The following CALCRL variants were observed in gnomAD, a reference collection of about 807,000 sequenced individuals.
CALCRL encodes calcitonin gene-related peptide type 1 receptor.
Under a neutral mutation model 60.4 loss-of-function variants are expected in CALCRL, and 27 were observed. The ratio of observed to expected loss-of-function variants is 0.45; its 90% CI spans 0.33 to 0.62. CALCRL has a LOEUF of 0.62. Ranked by LOEUF, CALCRL falls within the 20% of genes least tolerant of loss-of-function variation. CALCRL has a pLI of 0.03. For synonymous variants in CALCRL, 190 were observed against 182.6 expected (o/e 1.04, Z -0.33); for missense variants, 424 against 540.7 (o/e 0.78, Z 2.14).
chr2:187,442,843 A>G (rs1690982297), intron 1 of CALCRL, among the ~76,000 whole-genome samples: 1 of 151,880 alleles, frequency 6.6e-6, no homozygotes, highest in African/African-American at 2.4e-5. Context: ...TTGGTGAATC[A>G]TATCACTATT....
intron 1 of CALCRL, among the ~76,000 whole-genome samples, chr2:187,414,453 A>G (rs1381863803): frequency 6.6e-6 from 1 of 152,194 alleles, no homozygotes; most frequent in East Asian, 1.9e-4. Context: ...AGGCAGCAGC[A>G]TGTCATCCTG....
intron 1 of CALCRL, chr2:187,415,507 T>C (rs1031724296): frequency 1.1e-5 from 4 of 350,780 alleles, no homozygotes; most frequent in Non-Finnish European, 2.1e-5. Context: ...TGAAATGTTA[T>C]ATAAACTTTT....
chr2:187,384,085 C>T (rs999718394), intron 4 of CALCRL, among the ~76,000 whole-genome samples: 2 of 151,842 alleles, frequency 1.3e-5, no homozygotes, highest in African/African-American at 4.8e-5. Context: ...CTTCCTTTGC[C>T]TCCTCATTGT....
chr2:187,375,100 G>A (rs543594686), intron 8 of CALCRL, among the ~76,000 whole-genome samples: 1 of 150,780 alleles, frequency 6.6e-6, no homozygotes, highest in East Asian at 2.0e-4. Flanking sequence ...GTGAAACCCC[G>A]TCTCTACTAA....
At chr2:187,377,970 A>G (rs369945123) in intron 8 of CALCRL, among the ~76,000 whole-genome samples, 1 of 152,082 alleles carries the variant, frequency 6.6e-6, no homozygotes, top group Admixed American at 6.5e-5. Context: ...CTTTGTTTAA[A>G]ATTAGTAGAA....
At chr2:187,440,563 T>C (rs1046087075) in intron 1 of CALCRL, among the ~76,000 whole-genome samples, 1 of 152,164 alleles carries the variant, frequency 6.6e-6, no homozygotes, top group Non-Finnish European at 1.5e-5. Context: ...TTTGAACATA[T>C]GCAGTCTTTT....
At chr2:187,355,429 A>C (rs1686727044) in intron 12 of CALCRL, among the ~76,000 whole-genome samples, 2 of 152,142 alleles carry the variant, frequency 1.3e-5, no homozygotes, top group South Asian at 4.1e-4. Context: ...GGTATATCAA[A>C]AAATGTTATG....
intron 8 of CALCRL, among the ~76,000 whole-genome samples, chr2:187,370,087 GTTTAC>G (rs780778043): frequency 2.2e-4 from 34 of 152,188 alleles, no homozygotes; most frequent in Non-Finnish European, 4.3e-4. Flanking sequence ...ATGAAAAATT[GTTTAC>G]TTTATTCTGT....
At chr2:187,356,365 A>G (rs1686787919) in intron 12 of CALCRL, among the ~76,000 whole-genome samples, 1 of 152,184 alleles carries the variant, frequency 6.6e-6, no homozygotes, top group African/African-American at 2.4e-5. Context: ...TTCTACAACC[A>G]TCTGATCTTT....
intron 1 of CALCRL, among the ~76,000 whole-genome samples, chr2:187,419,023 AT>A (rs33929530): frequency 0.34 from 29,228 of 85,886 alleles, 3,675 homozygotes; most frequent in Middle Eastern, 0.39. Context: ...CGTCTGGCTA[AT>A]TTTTTTTTTT....
intron 1 of CALCRL, among the ~76,000 whole-genome samples, chr2:187,417,264 A>G (rs1036564391): frequency 4.6e-5 from 7 of 152,098 alleles, no homozygotes; most frequent in Non-Finnish European, 8.8e-5. Context: ...TGACAAAAAA[A>G]CAAAAAACAA....
chr2:187,363,459 A>C lies in CALCRL; in HGVS notation c.544T>G (p.Phe182Val). The C allele has an allele frequency of 6.2e-7, 1 of 1,608,988 alleles. No individual in the cohort carries two copies. The highest frequency in any genetic ancestry group is 8.5e-7 in the Non-Finnish European group (1 of 1,177,480). Residue 182 changes from phenylalanine to valine, a missense_variant, in exon 9 of 15, where the codon TTC (phenylalanine) becomes GTC (valine). Phe to Val is a conservative substitution (Grantham distance 50). Coordinates refer to ENST00000392370, the MANE Select transcript of CALCRL (RefSeq NM_005795.6). ...ACAACAGAGTTACAAACAAATGAGA[A>C]GAACAGATTTTTGTGTAAGGTAATC... is the stretch of plus-strand genomic sequence containing the variant. Reference protein sequence around the residue: ...QRITLHKNLFFSFVCNSVVTI... With the variant: ...QRITLHKNLFVSFVCNSVVTI...
chr2:187,404,278 A>T (rs1441080030), intron 1 of CALCRL, among the ~76,000 whole-genome samples: 2 of 151,870 alleles, frequency 1.3e-5, no homozygotes, highest in Admixed American at 1.3e-4. Context: ...TTTTTATCAA[A>T]ATATAAAATA....
At chr2:187,399,604 C>A (rs778108559) in intron 1 of CALCRL, among the ~76,000 whole-genome samples, 1 of 151,300 alleles carries the variant, frequency 6.6e-6, no homozygotes, top group Non-Finnish European at 1.5e-5. Context: ...TATTTGAAAG[C>A]GACTTATAGC....
At chr2:187,404,910 A>T (rs1689051193) in intron 1 of CALCRL, among the ~76,000 whole-genome samples, 1 of 151,880 alleles carries the variant, frequency 6.6e-6, no homozygotes, top group Non-Finnish European at 1.5e-5. Context: ...AAAAAGATAG[A>T]GCAGTAGGAA....
intron 1 of CALCRL, among the ~76,000 whole-genome samples, chr2:187,420,241 G>A (rs1689810004): frequency 6.6e-6 from 1 of 151,996 alleles, no homozygotes; most frequent in African/African-American, 2.4e-5. Context: ...TTCATATCAA[G>A]TATTATTTTG....
chr2:187,381,438 C>T (rs1301657633), intron 5 of CALCRL, among the ~76,000 whole-genome samples: 1 of 151,952 alleles, frequency 6.6e-6, no homozygotes, highest in Non-Finnish European at 1.5e-5. Flanking sequence ...AATGTTGTAA[C>T]AGTCTATAAT....
In CALCRL at chr2:187,346,086, A is replaced by G. The variant is rs999201640; in HGVS notation, c.*98T>C. 1 of 693,564 alleles carries G rather than the reference A, an allele frequency of 1.4e-6. No individual in the cohort carries two copies. The highest frequency in any genetic ancestry group is 2.4e-6 in the Non-Finnish European group (1 of 412,166). 43.0% of individuals were successfully genotyped at this position (693,564 alleles called of 1,614,324 possible). The stretch of plus-strand genomic sequence containing the variant: ...AAGGCTCTTCTTTATGACATTCAAA[A>G]AGTCATTTAATATTGAAGTCTTCTG... On this transcript the variant is annotated 3_prime_UTR_variant, in exon 15 of 15. Coordinates refer to ENST00000392370, the MANE Select transcript of CALCRL (RefSeq NM_005795.6).
At chr2:187,369,824 A>G (rs1264565574) in intron 8 of CALCRL, among the ~76,000 whole-genome samples, 1 of 152,206 alleles carries the variant, frequency 6.6e-6, no homozygotes, top group Non-Finnish European at 1.5e-5. Context: ...CTTAACATAC[A>G]GTTGAAACAA....
Sources: gnomAD v4.1 joint callset for allele counts (sites outside exome capture counted in the v4.1 genomes callset) on GRCh38, gnomAD v4.1.1 for gene constraint, MANE v1.5 for transcripts, NCBI Gene and HGNC (gene_info 2026-07-23, HGNC 2026-07-21) for gene names.